The following VPS13C variants were observed in gnomAD, a reference collection of about 807,000 sequenced individuals.
VPS13C encodes vacuolar protein sorting 13 homolog C.
Under a neutral mutation model 456.8 loss-of-function variants are expected in VPS13C, and 358 were observed. The observed-to-expected ratio is 0.78, with a 90% confidence interval of 0.72 to 0.86. VPS13C has a LOEUF of 0.86. Ranked by LOEUF, VPS13C falls within the 40% of genes least tolerant of loss-of-function variation. The pLI, the probability that VPS13C is intolerant of heterozygous loss-of-function variation, is 0.00. For synonymous variants in VPS13C, 1,578 were observed against 1,486.7 expected (o/e 1.06, Z -1.41); for missense variants, 4,818 against 4,385.4 (o/e 1.10, Z -2.79).
At chr15:61,946,114 T>A (rs1479600687) in intron 44 of VPS13C, among the ~76,000 whole-genome samples, 193 bp downstream of exon 44, 1 of 152,142 alleles carries the variant, frequency 6.6e-6, no homozygotes, top group Non-Finnish European at 1.5e-5. Context: ...AAATAACTTT[T>A]ACAAATCACT....
rs760327607 is a variant in VPS13C, at chr15:62,060,352, G to A, written c.23C>T (p.Ala8Val). The change falls in exon 1 of 85, where the codon GCG becomes GTG. Residue 8 changes from alanine to valine, a missense_variant. Transcript: ENST00000644861. ...CCCCAGGAAGCGGTTCAGCAAGTCC[G>A]CGACCACCGACTCCAGCACCATGGT... MVLESVV[A>V]DLLNRFLGDY... 37 of 1,601,802 alleles carry A rather than the reference G, an allele frequency of 2.3e-5. No homozygotes were observed. In the Admixed American group the frequency reaches 5.9e-4, roughly 26 times the overall value.
At chr15:61,935,028 G>C (rs1449359331) in intron 48 of VPS13C, among the ~76,000 whole-genome samples, 1 of 152,158 alleles carries the variant, frequency 6.6e-6, no homozygotes, top group East Asian at 1.9e-4. Context: ...TGGGATTACA[G>C]GTGTGAGCCA....
In VPS13C at chr15:61,919,437, T is replaced by C. The variant is rs1482075081; in HGVS notation, c.7490A>G (p.Tyr2497Cys). The C allele has an allele frequency of 6.3e-7, 1 of 1,585,120 alleles. No individual in the cohort carries two copies. Among genetic ancestry groups the C allele is most frequent in the Non-Finnish European group, 8.6e-7 (1 of 1,169,184 alleles). Residue 2497 changes from tyrosine to cysteine, a missense_variant, in exon 58 of 85, where the codon TAT becomes TGT. Transcript: ENST00000644861. ...CACAGGGATATTTGCAACTTCTGTATATCCATGAGGTACTAAGGCAGTGCA... is the reference window on the plus strand; with the variant it reads ...CACAGGGATATTTGCAACTTCTGTACATCCATGAGGTACTAAGGCAGTGCA... ...FFTLTIVPHGYTEVANIPVAR... is the reference protein window; with the variant it reads ...FFTLTIVPHGCTEVANIPVAR...
At chr15:62,035,109 A>G (rs2047946451) in intron 3 of VPS13C, 57 bp from the exon 4 acceptor site, 8 of 1,303,134 alleles carry the variant, frequency 6.1e-6, no homozygotes, top group Middle Eastern at 1.9e-4. Context: ...GAACACAAAA[A>G]TTTCTCACTT....
At chr15:61,947,147 T>A (rs554916687) in intron 43 of VPS13C, 46 bp downstream of exon 43, 15 of 1,255,464 alleles carry the variant, frequency 1.2e-5, no homozygotes, top group African/African-American at 1.6e-5. Flanking sequence ...TTTTTCCTAG[T>A]TATGTAAAGA....
At chr15:61,915,596 T>G (rs948368481) in intron 61 of VPS13C, 37 bp downstream of exon 61, 1 of 1,520,462 alleles carries the variant, frequency 6.6e-7, no homozygotes, top group Non-Finnish European at 8.8e-7. Context: ...GATTAGGAAT[T>G]TATCTGCTTT....
Position 61,890,296 on chromosome 15 carries a change from C to G in VPS13C, c.9210G>C (p.Leu3070Phe). ...RVLLFTDDVA[L>F]VSKALQAEEM... ...CTTCTGCCTGCAGTGCTTTGGAAAC[C>G]AAGGCAACATCATCGGTGAAAAGCA... Residue 3070 changes from leucine to phenylalanine, a missense_variant, in exon 67 of 85, where the codon TTG becomes TTC. Physicochemically the swap from Leu to Phe is conservative, Grantham distance 22. This residue lies in a region of VPS13C where 4,552 missense variants were observed against 4,130.6 expected (regional missense o/e 1.10). Coordinates refer to ENST00000644861, the MANE Select transcript of VPS13C (RefSeq NM_020821.3). 6.2e-7 allele frequency: 1 copy of G among 1,613,924 alleles called. No individual in the cohort carries two copies. Among genetic ancestry groups the G allele is most frequent in the Non-Finnish European group, 8.5e-7 (1 of 1,179,972 alleles).
intron 66 of VPS13C, among the ~76,000 whole-genome samples, chr15:61,900,120 A>C (rs2042951546): frequency 6.6e-6 from 1 of 152,180 alleles, no homozygotes; most frequent in Admixed American, 6.5e-5. Context: ...TTTCAAAATA[A>C]TAAAAGCTAT....
rs777616656 is a variant in VPS13C, at chr15:61,873,479, CAAAT to C, written c.10415-74_10415-71del. The C allele has an allele frequency of 8.9e-4, 1,274 of 1,434,648 alleles. 5 individuals carry two copies. Among genetic ancestry groups the C allele is most frequent in the Middle Eastern group, 1.3e-3 (7 of 5,522 alleles). 88.9% of individuals were successfully genotyped at this position (1,434,648 alleles called of 1,614,324 possible). ...TACAAGGAACTCAACAGCAAGAAAA[CAAAT>C]AATCTGATTTTAAAATAGGCAAACG... On this transcript the variant is annotated intron_variant, in intron 77 of 84. Transcript: ENST00000644861.
intron 1 of VPS13C, among the ~76,000 whole-genome samples, chr15:62,044,554 A>G (rs968098432): frequency 6.6e-5 from 10 of 152,288 alleles, no homozygotes; most frequent in Admixed American, 2.6e-4. Context: ...CTTTAAGACC[A>G]AAGAAAGTAG....
chr15:61,999,451 G>A (rs951217200), intron 16 of VPS13C, among the ~76,000 whole-genome samples: 20 of 151,940 alleles, frequency 1.3e-4, no homozygotes, highest in East Asian at 3.9e-4. Context: ...GGGGCTTGGC[G>A]TCCCTAACGT....
chr15:61,955,763 G>C (rs2044971936), intron 37 of VPS13C, among the ~76,000 whole-genome samples: 2 of 152,056 alleles, frequency 1.3e-5, no homozygotes, highest in Admixed American at 6.6e-5. Context: ...TTCATTAAAA[G>C]ATCCATTAAA....
chr15:61,946,204 T>A, intron 44 of VPS13C, 103 bp downstream of exon 44: 1 of 902,082 alleles, frequency 1.1e-6, no homozygotes, highest in South Asian at 2.1e-5. Context: ...ATAAAGTGCC[T>A]GGTACATGAC....
chr15:61,926,445 G>A (rs372613674), intron 52 of VPS13C, among the ~76,000 whole-genome samples: 6 of 152,106 alleles, frequency 3.9e-5, no homozygotes, highest in African/African-American at 1.4e-4. Flanking sequence ...TAAACTTTTG[G>A]TGACATGTAT....
chr15:61,914,569 C>T (rs979895519), intron 61 of VPS13C, among the ~76,000 whole-genome samples: 6 of 150,348 alleles, frequency 4.0e-5, no homozygotes, highest in Admixed American at 4.0e-4. Context: ...AACTATGTTT[C>T]TTTTTTTTGA....
Position 62,008,652 on chromosome 15 carries a change from T to C in VPS13C, c.1118+3A>G. On this transcript the variant is annotated splice_donor_region_variant and intron_variant, in intron 14 of 84. Coordinates refer to ENST00000644861, the MANE Select transcript of VPS13C (RefSeq NM_020821.3). Reference sequence around the variant, plus strand: ...ACAAAACAAAAAACAAATTCTAACTTACCATCGTCGACCATTGGTATGAAG... The same window carrying C: ...ACAAAACAAAAAACAAATTCTAACTCACCATCGTCGACCATTGGTATGAAG... 1 of 1,589,228 alleles carries C rather than the reference T, an allele frequency of 6.3e-7. No individual in the cohort carries two copies. Among genetic ancestry groups the C allele is most frequent in the Non-Finnish European group, 8.6e-7 (1 of 1,167,202 alleles).
intron 6 of VPS13C, among the ~76,000 whole-genome samples, chr15:62,025,470 CAAGT>C (rs2140597263): frequency 6.6e-6 from 1 of 152,062 alleles, no homozygotes; most frequent in African/African-American, 2.4e-5. Flanking sequence ...TGAAAAGAAA[CAAGT>C]AAGAAAGCCA....
chr15:61,988,120 T>A (rs574191577), intron 18 of VPS13C, among the ~76,000 whole-genome samples: 1 of 152,074 alleles, frequency 6.6e-6, no homozygotes, highest in African/African-American at 2.4e-5. Context: ...CAAAAGAAGA[T>A]AGAAACAAAA....
chr15:61,981,543 C>A lies in VPS13C; in HGVS notation c.2030-65G>T, dbSNP rs1270390551. On this transcript the variant is annotated intron_variant, in intron 21 of 84. Transcript: ENST00000644861. ...TTGAAATATGTAATCATATTATTAA[C>A]AACTAGAATAAGAGTTTTACTTGAA... is the stretch of plus-strand genomic sequence containing the variant. 5 of 1,460,778 alleles carry A rather than the reference C, an allele frequency of 3.4e-6. No homozygotes were observed. The East Asian group carries it at 1.2e-4, about 36-fold the overall frequency. The allele number at this position is 1,460,778 out of a possible 1,614,324, so 90.5% of individuals were successfully genotyped here. A position where few individuals can be genotyped will look rare whatever the true frequency, so the allele number is the denominator to read the frequency against.
Sources: allele counts gnomAD v4.1 joint callset (sites outside exome capture counted in the v4.1 genomes callset), GRCh38; gene constraint gnomAD v4.1.1; regional missense constraint gnomAD v4.1.1; transcripts MANE v1.5; gene names NCBI Gene and HGNC (gene_info 2026-07-23, HGNC 2026-07-21).